Variants in NPSR1 observed in about 807,000 individuals in gnomAD.
NPSR1 encodes neuropeptide S receptor.
A neutral mutation model predicts 46.9 loss-of-function variants in NPSR1; 48 were observed. That is an observed-to-expected ratio of 1.02 (90% CI 0.81 to 1.30). The LOEUF is 1.30. Among genes scored for constraint, NPSR1 ranks in the 50% most tolerant of loss-of-function variants. The probability of loss-of-function intolerance (pLI) is 0.00; values close to 1 mark genes in which losing one functional copy is unlikely to be tolerated. For synonymous variants in NPSR1, 176 were observed against 168.1 expected (o/e 1.05, Z -0.36); for missense variants, 450 against 449.5 (o/e 1.00, Z -0.01).
intron 8 of NPSR1, among the ~76,000 whole-genome samples, chr7:34,868,770 G>A (rs1396684721): frequency 6.6e-6 from 1 of 151,598 alleles, no homozygotes; most frequent in South Asian, 2.1e-4. Context: ...AAACCCTGGG[G>A]GCAGGCAGGC....
At chr7:34,774,962 T>C (rs1295611422) in intron 2 of NPSR1, among the ~76,000 whole-genome samples, 12 of 152,208 alleles carry the variant, frequency 7.9e-5, no homozygotes, top group Non-Finnish European at 1.0e-4. Context: ...ATTTAACTTT[T>C]ACTTGAAAAT....
At chr7:34,764,614 C>T (rs1017996691) in intron 2 of NPSR1, among the ~76,000 whole-genome samples, 1 of 152,142 alleles carries the variant, frequency 6.6e-6, no homozygotes, top group East Asian at 1.9e-4. Context: ...CTTCCCCAAA[C>T]AAAAAACTTA....
intron 3 of NPSR1, among the ~76,000 whole-genome samples, chr7:34,790,873 A>G (rs1266723414): frequency 6.6e-5 from 9 of 135,414 alleles, no homozygotes; most frequent in Non-Finnish European, 1.5e-5. Flanking sequence ...TATATGTTAT[A>G]TGTTATATTA....
chr7:34,819,071 G>A (rs1789411933), intron 4 of NPSR1, among the ~76,000 whole-genome samples: 1 of 152,120 alleles, frequency 6.6e-6, no homozygotes, highest in South Asian at 2.1e-4. Context: ...TGACAAATGG[G>A]ATCTAATTAA....
At chr7:34,795,654 G>A (rs1665794477) in intron 3 of NPSR1, among the ~76,000 whole-genome samples, 1 of 152,024 alleles carries the variant, frequency 6.6e-6, no homozygotes, top group African/African-American at 2.4e-5. Flanking sequence ...AATATTATCT[G>A]CATTAGCACA....
intron 2 of NPSR1, chr7:34,703,939 T>G (rs1793977473): frequency 6.6e-6 from 1 of 152,242 alleles, no homozygotes; most frequent in Admixed American, 6.5e-5. Context: ...TGGCGCACAT[T>G]CAAATCATTT....
At chr7:34,684,811 A>G in intron 2 of NPSR1, 127 bp downstream of exon 2, 1 of 768,884 alleles carries the variant, frequency 1.3e-6, no homozygotes, top group Non-Finnish European at 2.0e-6. Context: ...AATTTCTGAA[A>G]GAATATAAAA....
chr7:34,791,090 A>G lies in NPSR1; in HGVS notation c.384+12525A>G, dbSNP rs535907048. ...TTATATTATATATGTTATATGTTAT[A>G]TATATTATATATAATATGTTATATA... On this transcript the variant is annotated intron_variant, in intron 3 of 8. Coordinates refer to ENST00000360581, the MANE Select transcript of NPSR1 (RefSeq NM_207172.2). 3.4e-5 allele frequency among the ~76,000 whole-genome samples: 4 copies of G among 118,846 alleles called. No homozygotes were observed. The South Asian group carries it at 9.3e-4, about 28-fold the overall frequency. The allele number at this position is 118,846 out of a possible 152,430, so 78.0% of individuals were successfully genotyped here. A position where few individuals can be genotyped will look rare whatever the true frequency, so the allele number is the denominator to read the frequency against.
intron 1 of NPSR1, among the ~76,000 whole-genome samples, chr7:34,667,209 C>T (rs1365650365): frequency 6.6e-6 from 1 of 152,222 alleles, no homozygotes; most frequent in Non-Finnish European, 1.5e-5. Context: ...AGGTGTGGAC[C>T]TTCAGCACAC....
At chr7:34,670,590 A>G (rs906826333) in intron 1 of NPSR1, among the ~76,000 whole-genome samples, 2 of 150,944 alleles carry the variant, frequency 1.3e-5, no homozygotes, top group African/African-American at 4.8e-5. Flanking sequence ...TAAATATATA[A>G]TATTATAGCT....
At chr7:34,828,485 C>T (rs552322641) in intron 5 of NPSR1, among the ~76,000 whole-genome samples, 1 of 152,200 alleles carries the variant, frequency 6.6e-6, no homozygotes, top group Non-Finnish European at 1.5e-5. Context: ...GTGGCAGGAT[C>T]ACCCTCTGAA....
chr7:34,808,928 C>T (rs1391371319), intron 3 of NPSR1, among the ~76,000 whole-genome samples: 1 of 152,150 alleles, frequency 6.6e-6, no homozygotes, highest in African/African-American at 2.4e-5. Flanking sequence ...ATTAAATACT[C>T]TTTTGATTGT....
intron 4 of NPSR1, among the ~76,000 whole-genome samples, chr7:34,815,816 A>G (rs183352829): frequency 9.8e-5 from 15 of 152,326 alleles, no homozygotes; most frequent in Admixed American, 8.5e-4. Flanking sequence ...CAGCCAAACT[A>G]AGTTTCATAA....
intron 2 of NPSR1, among the ~76,000 whole-genome samples, chr7:34,702,476 T>A (rs1282992762): frequency 1.3e-5 from 2 of 152,198 alleles, no homozygotes; most frequent in Non-Finnish European, 2.9e-5. Flanking sequence ...TACTTTTACT[T>A]CCATCCAGAA....
At chr7:34,828,620 A>G (rs1308484496) in intron 5 of NPSR1, among the ~76,000 whole-genome samples, 3 of 152,236 alleles carry the variant, frequency 2.0e-5, no homozygotes, top group Non-Finnish European at 4.4e-5. Context: ...AGTGTGTCAT[A>G]TAACACATTG....
chr7:34,866,433 G>T (rs970186099), intron 8 of NPSR1, among the ~76,000 whole-genome samples: 39 of 151,036 alleles, frequency 2.6e-4, no homozygotes, highest in African/African-American at 9.3e-4. Context: ...GAGGCAGAGC[G>T]CACAGCCTGG....
intron 4 of NPSR1, among the ~76,000 whole-genome samples, chr7:34,824,415 C>T (rs1248383929): frequency 6.6e-6 from 1 of 152,096 alleles, no homozygotes; most frequent in African/African-American, 2.4e-5. Context: ...TTCATCTGTT[C>T]GATCCTGGAT....
At chr7:34,743,954 C>T (rs959499373) in intron 2 of NPSR1, among the ~76,000 whole-genome samples, 1 of 152,066 alleles carries the variant, frequency 6.6e-6, no homozygotes, top group Admixed American at 6.5e-5. Flanking sequence ...TACATGTGTT[C>T]AGCCGATTTG....
At chr7:34,781,603 A>T (rs1197628748) in intron 3 of NPSR1, among the ~76,000 whole-genome samples, 1 of 152,196 alleles carries the variant, frequency 6.6e-6, no homozygotes, top group Non-Finnish European at 1.5e-5. Flanking sequence ...AGTAACCAAC[A>T]GTCATTCCTG....
Sources: gnomAD v4.1 joint callset for allele counts (sites outside exome capture counted in the v4.1 genomes callset) on GRCh38, gnomAD v4.1.1 for gene constraint, MANE v1.5 for transcripts, NCBI Gene and HGNC (gene_info 2026-07-23, HGNC 2026-07-21) for gene names.